Variants in RPP30 observed in about 807,000 individuals in gnomAD.
The protein encoded by RPP30 is ribonuclease P protein subunit p30.
In RPP30, 36 loss-of-function variants were observed where a neutral mutation model predicts 38.6. The observed-to-expected ratio is 0.93, with a 90% CI of 0.71 to 1.23. RPP30 has a LOEUF of 1.23. Ranked by LOEUF, RPP30 falls within the 50% of genes most tolerant of loss-of-function variation. RPP30 has a pLI of 0.00. For missense variants in RPP30, 321 were observed against 321.7 expected, an observed-to-expected ratio of 1.00 and a Z score of 0.02; for synonymous variants, 126 against 112.7, an observed-to-expected ratio of 1.12 and a Z score of -0.75.
At position 90,879,043 on chromosome 10, in the gene RPP30, C is replaced by G; in HGVS notation, c.271-20C>G. On this transcript the variant is annotated intron_variant, in intron 4 of 10. Transcript: ENST00000371703. ...TATGGATTTTGTTATTGTATGATAA[C>G]ATTCTTTTTGTATTCCTAGAGAGCA... The G allele has an allele frequency of 6.2e-7, 1 of 1,605,270 alleles. No homozygotes were observed. Among genetic ancestry groups the G allele is most frequent in the Non-Finnish European group, 8.5e-7 (1 of 1,173,210 alleles).
chr10:90,897,631 TG>T (rs1847155647), intron 10 of RPP30, among the ~76,000 whole-genome samples: 2 of 152,198 alleles, frequency 1.3e-5, no homozygotes, highest in Admixed American at 1.3e-4. Context: ...ATCAGGATTT[TG>T]AGTAACAGTT....
Position 90,902,184 on chromosome 10 carries a change from T to G in RPP30, c.*1505T>G. 1.1e-6 allele frequency: 1 copy of G among 888,810 alleles called. No homozygotes were observed. The highest frequency in any genetic ancestry group is 1.4e-6 in the Non-Finnish European group (1 of 736,584). The allele number at this position is 888,810 out of a possible 1,614,324, so 55.1% of individuals were successfully genotyped here. ...AATAAAATATTGATTAAAAAAACAT[T>G]AAAAGTGCATCATGACCAGGTGAAA... On this transcript the variant is annotated 3_prime_UTR_variant, in exon 11 of 11. Transcript: ENST00000371703.
At position 90,872,061 on chromosome 10, in the gene RPP30, C is replaced by A. The variant is rs749365402; in HGVS notation, c.75C>A (p.Ala25=). 23 of 1,613,904 alleles carry A rather than the reference C, an allele frequency of 1.4e-5. No homozygotes were observed. The highest frequency in any genetic ancestry group is 1.8e-5 in the Non-Finnish European group (21 of 1,179,928). The part of the protein sequence containing the change: ...LKALRGLVET[A]AHLGYSVVAI... ...CTCTGCGCGGACTTGTGGAGACAGC[C>A]GCTCACCGTGAGTTGCCCCGGCTTC... The change falls in exon 1 of 11, where the codon GCC becomes GCA. Residue 25 remains alanine (A), a synonymous_variant. Coordinates refer to ENST00000371703, the MANE Select transcript of RPP30 (RefSeq NM_006413.5).
At position 90,895,218 on chromosome 10, in the gene RPP30, C is replaced by G. The variant is rs1847126127; in HGVS notation, c.550-236C>G. On this transcript the variant is annotated intron_variant, in intron 7 of 10. Transcript: ENST00000371703. Reference sequence around the variant, plus strand: ...TGACCTTTTCATCTTGTTTTTTAAACTTAATTCACCTTTACTAAGATCTGT... The same window carrying G: ...TGACCTTTTCATCTTGTTTTTTAAAGTTAATTCACCTTTACTAAGATCTGT... 7 of 493,500 alleles carry G rather than the reference C, an allele frequency of 1.4e-5. No homozygotes were observed. The Admixed American group carries it at 2.8e-4, about 20-fold the overall frequency. 30.6% of individuals were successfully genotyped at this position (493,500 alleles called of 1,614,324 possible).
At chr10:90,882,144 G>A (rs1846937396) in intron 5 of RPP30, among the ~76,000 whole-genome samples, 2 of 152,082 alleles carry the variant, frequency 1.3e-5, no homozygotes, top group Admixed American at 1.3e-4. Flanking sequence ...TGGAGCTTCT[G>A]GACCAATTAA....
intron 5 of RPP30, among the ~76,000 whole-genome samples, chr10:90,880,497 G>C (rs1472496592): frequency 1.3e-5 from 2 of 152,112 alleles, no homozygotes; most frequent in Non-Finnish European, 2.9e-5. Context: ...GGAGGCCGAG[G>C]CAGGTGGATC....
At chr10:90,905,003 G>A (rs368334108), downstream of RPP30, among the ~76,000 whole-genome samples, 50 of 152,148 alleles carry the variant, frequency 3.3e-4, no homozygotes, top group African/African-American at 1.2e-3. Flanking sequence ...AGAGGAAAAT[G>A]TAAGTTAATT....
intron 1 of RPP30, among the ~76,000 whole-genome samples, chr10:90,872,526 A>AC (rs1239478922): frequency 6.6e-6 from 1 of 152,068 alleles, no homozygotes. Context: ...TACTATCTAG[A>AC]CAGAGAGAGG....
At chr10:90,875,412 T>A (rs1345035436) in intron 2 of RPP30, 146 bp from the exon 3 acceptor site, 2 of 630,220 alleles carry the variant, frequency 3.2e-6, no homozygotes, top group Non-Finnish European at 5.5e-6. Flanking sequence ...AAATAATTTT[T>A]AAAAGTTTTT....
chr10:90,876,212 C>T, intron 4 of RPP30, 114 bp downstream of exon 4: 10 of 644,678 alleles, frequency 1.6e-5, no homozygotes. Flanking sequence ...CCCCGCCAAA[C>T]CATGACACCT....
At chr10:90,880,673 CTG>C (rs1157823735) in intron 5 of RPP30, among the ~76,000 whole-genome samples, 3 of 152,110 alleles carry the variant, frequency 2.0e-5, no homozygotes, top group Non-Finnish European at 4.4e-5. Flanking sequence ...TGAGCTGAGA[CTG>C]TGCCACTGCA....
At chr10:90,873,096 A>G (rs1396872488) in intron 1 of RPP30, among the ~76,000 whole-genome samples, 33 of 152,220 alleles carry the variant, frequency 2.2e-4, no homozygotes, top group Non-Finnish European at 4.4e-5. Context: ...TGAATAAATC[A>G]TGAGCTTCCT....
intron 1 of RPP30, among the ~76,000 whole-genome samples, chr10:90,874,598 G>C (rs935430574): frequency 3.3e-5 from 5 of 152,214 alleles, no homozygotes; most frequent in African/African-American, 9.6e-5. Context: ...AACACCTCAT[G>C]TGTATTATTT....
rs1466334493 is a variant in RPP30 at position 90,876,054 on chromosome 10, A to G, written c.226A>G (p.Arg76Gly). The change falls in exon 4 of 11, where the codon AGA (arginine) becomes GGA (glycine). Residue 76 changes from arginine (R) to glycine (G), a missense_variant. Transcript: ENST00000371703. ...GKSRPIKILTRLTIIVSDPSH... is the reference protein window; with the variant it reads ...GKSRPIKILTGLTIIVSDPSH... Reference sequence around the variant, plus strand: ...ATCAAGACCAATTAAAATTTTAACTAGATTAACAATTATTGTCTCGGATCC... The same window carrying G: ...ATCAAGACCAATTAAAATTTTAACTGGATTAACAATTATTGTCTCGGATCC... The G allele has an allele frequency of 7.0e-6, 11 of 1,576,194 alleles. No individual in the cohort carries two copies. The highest frequency in any genetic ancestry group is 9.6e-6 in the Non-Finnish European group (11 of 1,145,872).
chr10:90,877,866 GAA>G (rs1821257115), intron 4 of RPP30, among the ~76,000 whole-genome samples: 1 of 152,190 alleles, frequency 6.6e-6, no homozygotes, highest in African/African-American at 2.4e-5. Context: ...AGGGGAGAGA[GAA>G]AGTGAGATTC....
chr10:90,875,073 A>G (rs563696692), intron 2 of RPP30, 149 bp downstream of exon 2: 87 of 494,032 alleles, frequency 1.8e-4, no homozygotes, highest in Non-Finnish European at 3.0e-4. Context: ...GAAACAGTCG[A>G]GCTGATGCAT....
At chr10:90,890,773 T>C (rs911071840) in intron 6 of RPP30, among the ~76,000 whole-genome samples, 2 of 151,894 alleles carry the variant, frequency 1.3e-5, no homozygotes, top group Admixed American at 1.3e-4. Flanking sequence ...AAAATGCTTA[T>C]TCCCTTAACA....
At chr10:90,872,153 G>A in intron 1 of RPP30, 85 bp downstream of exon 1, 2 of 1,142,828 alleles carry the variant, frequency 1.8e-6, no homozygotes, top group Non-Finnish European at 2.7e-6. Flanking sequence ...TTCCTGATGG[G>A]TCTCGGTCAG....
At chr10:90,905,455 T>G (rs947298099), downstream of RPP30, 1 of 152,286 alleles carries the variant, frequency 6.6e-6, no homozygotes, top group Non-Finnish European at 1.5e-5. Context: ...GAGCACCCCA[T>G]GGGATTACGC....
Sources: allele counts gnomAD v4.1 joint callset (sites outside exome capture counted in the v4.1 genomes callset), GRCh38; gene constraint gnomAD v4.1.1; transcripts MANE v1.5; gene names NCBI Gene and HGNC (gene_info 2026-07-23, HGNC 2026-07-21).